Variants in PSD3 observed in about 807,000 individuals in gnomAD.
PSD3 encodes the protein PH and SEC7 domain-containing protein 3.
In PSD3, 49 loss-of-function variants were observed where a neutral mutation model predicts 105.5. That is an observed-to-expected ratio of 0.46 (90% CI 0.37 to 0.59). The LOEUF (loss-of-function observed/expected upper bound fraction) is 0.59, where lower values mean the gene tolerates loss of function less well. Ranked by LOEUF, PSD3 falls within the 20% of genes least tolerant of loss-of-function variation. PSD3 has a pLI of 0.00. For missense variants in PSD3, 1,561 were observed against 1,263.8 expected, an observed-to-expected ratio of 1.24 and a Z score of -3.57; for synonymous variants, 557 against 457.8, an observed-to-expected ratio of 1.22 and a Z score of -2.77.
intron 2 of PSD3, among the ~76,000 whole-genome samples, chr8:18,921,604 T>C (rs1351877731): frequency 6.6e-6 from 1 of 152,130 alleles, no homozygotes; most frequent in Non-Finnish European, 1.5e-5. Flanking sequence ...AACAAAAAAA[T>C]GGCAGGTTTC....
rs192337962 is a variant in PSD3, at chr8:18,559,657, C to T, written c.2785-3305G>A. On this transcript the variant is annotated intron_variant, in intron 14 of 15. Coordinates refer to ENST00000327040, the MANE Select transcript of PSD3 (RefSeq NM_015310.4). Reference sequence around the variant, plus strand: ...TATTTTTTTTTACTTTGGATCTATGCAAATATGCTTTCAGATGTTTGCTTC... The same window carrying T: ...TATTTTTTTTTACTTTGGATCTATGTAAATATGCTTTCAGATGTTTGCTTC... Among the ~76,000 whole-genome samples, 467 of 152,028 alleles carry T rather than the reference C, an allele frequency of 3.1e-3. 1 individual carries two copies. The highest frequency in any genetic ancestry group is 0.01 in the Middle Eastern group (3 of 294).
intron 9 of PSD3, among the ~76,000 whole-genome samples, chr8:18,737,587 T>A (rs1487082564): frequency 6.6e-6 from 1 of 152,090 alleles, no homozygotes; most frequent in African/African-American, 2.4e-5. Context: ...CAGGTGTGAG[T>A]CACTACGCTT....
At chr8:18,844,209 T>G (rs1814892151) in intron 4 of PSD3, among the ~76,000 whole-genome samples, 1 of 152,186 alleles carries the variant, frequency 6.6e-6, no homozygotes, top group Admixed American at 6.5e-5. Context: ...TTCTGATAAT[T>G]AGTCTTCAAA....
At chr8:18,639,028 C>G (rs1020067174) in intron 10 of PSD3, among the ~76,000 whole-genome samples, 2 of 152,190 alleles carry the variant, frequency 1.3e-5, no homozygotes, top group African/African-American at 4.8e-5. Context: ...GAAATCCAAA[C>G]TATGACACCA....
chr8:18,890,059 C>CA (rs1459028343), intron 2 of PSD3, among the ~76,000 whole-genome samples: 1 of 152,130 alleles, frequency 6.6e-6, no homozygotes, highest in African/African-American at 2.4e-5. Flanking sequence ...AACTTTTTCA[C>CA]AAATCAAGAC....
At chr8:18,872,885 C>G in intron 2 of PSD3, 152 bp from the exon 3 acceptor site, 1 of 745,692 alleles carries the variant, frequency 1.3e-6, no homozygotes, top group Non-Finnish European at 2.1e-6. Context: ...GTAACACACA[C>G]TCCTCATGAC....
At chr8:18,775,314 A>G (rs1807947358) in intron 8 of PSD3, among the ~76,000 whole-genome samples, 2 of 152,198 alleles carry the variant, frequency 1.3e-5, no homozygotes, top group South Asian at 4.1e-4. Context: ...ATAGTACTAC[A>G]ATAAACATGG....
chr8:18,827,519 C>G (rs1240436057), intron 4 of PSD3, among the ~76,000 whole-genome samples: 1 of 152,086 alleles, frequency 6.6e-6, no homozygotes, highest in Non-Finnish European at 1.5e-5. Flanking sequence ...AGAGCGGTAA[C>G]TAGGTGGTAT....
chr8:18,765,375 C>G (rs536626750), intron 9 of PSD3, 74 bp downstream of exon 9: 1 of 1,299,248 alleles, frequency 7.7e-7, no homozygotes, highest in South Asian at 1.2e-5. Context: ...TGATCCTTAG[C>G]CTACTTAGGA....
chr8:18,895,682 T>G (rs1819100814), intron 2 of PSD3, among the ~76,000 whole-genome samples: 1 of 152,216 alleles, frequency 6.6e-6, no homozygotes, highest in Non-Finnish European at 1.5e-5. Flanking sequence ...AGTTTACAGA[T>G]AGTAACTGCA....
chr8:18,553,258 A>G (rs1800883435), intron 15 of PSD3, among the ~76,000 whole-genome samples: 1 of 152,176 alleles, frequency 6.6e-6, no homozygotes, highest in Admixed American at 6.5e-5. Flanking sequence ...AGAGGAGGTG[A>G]GAGCACCCAT....
chr8:18,566,957 C>A (rs902899367), intron 14 of PSD3, among the ~76,000 whole-genome samples: 2 of 152,126 alleles, frequency 1.3e-5, no homozygotes, highest in Non-Finnish European at 2.9e-5. Flanking sequence ...AACAGATGAA[C>A]ACATTCATTT....
chr8:18,650,287 T>A (rs1210620767), intron 10 of PSD3, among the ~76,000 whole-genome samples: 2 of 151,766 alleles, frequency 1.3e-5, no homozygotes, highest in Non-Finnish European at 2.9e-5. Flanking sequence ...TCCTACGCCA[T>A]CCCAATCACA....
At chr8:18,650,431 T>C (rs1414539590) in intron 10 of PSD3, among the ~76,000 whole-genome samples, 1 of 152,214 alleles carries the variant, frequency 6.6e-6, no homozygotes, top group Non-Finnish European at 1.5e-5. Context: ...GGTCAACAAA[T>C]AGATGCTTCA....
At chr8:18,922,848 C>T (rs73666753) in intron 2 of PSD3, among the ~76,000 whole-genome samples, 3,382 of 152,252 alleles carry the variant, frequency 0.022, 130 homozygotes, top group African/African-American at 0.077. Flanking sequence ...TAAAGGGATG[C>T]ATGGGGCAAG....
At chr8:18,646,983 A>T (rs1302086846) in intron 10 of PSD3, among the ~76,000 whole-genome samples, 6 of 152,210 alleles carry the variant, frequency 3.9e-5, no homozygotes, top group Admixed American at 1.3e-4. Flanking sequence ...ACCCACATAA[A>T]AAACAGGTAA....
intron 4 of PSD3, among the ~76,000 whole-genome samples, chr8:18,810,927 C>T (rs543007880): frequency 2.6e-4 from 40 of 152,248 alleles, no homozygotes; most frequent in African/African-American, 8.7e-4. Context: ...AGTACACCAT[C>T]AGCAAAAAAT....
At chr8:18,843,182 A>T (rs1247385185) in intron 4 of PSD3, among the ~76,000 whole-genome samples, 1 of 152,088 alleles carries the variant, frequency 6.6e-6, no homozygotes, top group African/African-American at 2.4e-5. Context: ...ACCACGGTGA[A>T]ACCCCATCTC....
At chr8:18,835,782 C>A (rs566884271) in intron 4 of PSD3, among the ~76,000 whole-genome samples, 11 of 152,148 alleles carry the variant, frequency 7.2e-5, no homozygotes, top group Non-Finnish European at 1.3e-4. Flanking sequence ...GCATGCCCGG[C>A]GTGCTCAGAA....
Sources: allele counts gnomAD v4.1 joint callset (sites outside exome capture counted in the v4.1 genomes callset), GRCh38; gene constraint gnomAD v4.1.1; transcripts MANE v1.5; gene names NCBI Gene and HGNC (gene_info 2026-07-23, HGNC 2026-07-21).